Variants in EPHA6 observed in about 807,000 individuals in gnomAD.
EPHA6 encodes the protein EPH receptor A6, also known as ephrin type-A receptor 6.
Under a neutral mutation model 112.0 loss-of-function variants are expected in EPHA6, and 50 were observed. The observed-to-expected ratio is 0.45, with a 90% CI of 0.36 to 0.56. EPHA6 has a LOEUF of 0.56. Among genes scored for constraint, EPHA6 ranks in the 20% least tolerant of loss-of-function variants. The pLI is 0.00. For missense variants in EPHA6, 1,280 were observed against 1,417.4 expected (o/e 0.90, Z 1.56); for synonymous variants, 529 against 490.7 (o/e 1.08, Z -1.03).
chr3:96,919,886 C>G (rs77844129), intron 2 of EPHA6, among the ~76,000 whole-genome samples: 2,761 of 151,860 alleles, frequency 0.018, 74 homozygotes, highest in African/African-American at 0.05. Context: ...TAGAGCATAT[C>G]TCAAAAGATC....
At chr3:97,158,708 C>T (rs1366522460) in intron 3 of EPHA6, among the ~76,000 whole-genome samples, 1 of 151,962 alleles carries the variant, frequency 6.6e-6, no homozygotes, top group Non-Finnish European at 1.5e-5. Flanking sequence ...TGACATAAAC[C>T]AATGGAGTAG....
At chr3:97,082,232 A>G (rs9872381) in intron 3 of EPHA6, among the ~76,000 whole-genome samples, 26,054 of 151,754 alleles carry the variant, frequency 0.17, 2,385 homozygotes, top group Non-Finnish European at 0.2. Flanking sequence ...TTTATTTGCA[A>G]TTTTCAAAAA....
At chr3:97,278,597 T>C (rs911513933) in intron 5 of EPHA6, among the ~76,000 whole-genome samples, 1 of 152,128 alleles carries the variant, frequency 6.6e-6, no homozygotes, top group Non-Finnish European at 1.5e-5. Flanking sequence ...GCAAAGATCA[T>C]CACTATTTCA....
At chr3:97,710,921 T>C (rs1282705141) in intron 14 of EPHA6, among the ~76,000 whole-genome samples, 1 of 152,230 alleles carries the variant, frequency 6.6e-6, no homozygotes, top group African/African-American at 2.4e-5. Flanking sequence ...TGCTTCACTT[T>C]ATGTAATTTA....
At chr3:97,244,351 C>A (rs2078928203) in intron 5 of EPHA6, 64 bp downstream of exon 5, 1 of 1,376,882 alleles carries the variant, frequency 7.3e-7, no homozygotes, top group African/African-American at 1.4e-5. Flanking sequence ...AAATATCCCT[C>A]ATGGGCATGT....
intron 14 of EPHA6, among the ~76,000 whole-genome samples, chr3:97,687,764 C>A (rs1159785549): frequency 6.6e-6 from 1 of 152,200 alleles, no homozygotes; most frequent in Non-Finnish European, 1.5e-5. Context: ...ACCTTTACTT[C>A]TCATGTGTGA....
intron 3 of EPHA6, among the ~76,000 whole-genome samples, chr3:97,141,460 AAT>A (rs1255294670): frequency 2.6e-5 from 4 of 151,942 alleles, no homozygotes; most frequent in Non-Finnish European, 5.9e-5. Flanking sequence ...AAATCAAAAA[AAT>A]AAAAATAATA....
At position 97,448,556 on chromosome 3, in the gene EPHA6, T is replaced by G; in HGVS notation, c.1732-12T>G. The G allele has an allele frequency of 6.2e-7, 1 of 1,612,396 alleles. No homozygotes were observed. ...TGTTTCATTTCCTTTCTCCTTTTTTTCTGTCCCCCAGGAACATGAGCAGCT... is the reference window on the plus strand; with the variant it reads ...TGTTTCATTTCCTTTCTCCTTTTTTGCTGTCCCCCAGGAACATGAGCAGCT... On this transcript the variant is annotated splice_polypyrimidine_tract_variant and intron_variant, in intron 6 of 17. Transcript: ENST00000389672.
At chr3:97,646,361 A>G (rs2099591) in intron 14 of EPHA6, 8 of 1,253,454 alleles carry the variant, frequency 6.4e-6, no homozygotes, top group Admixed American at 3.0e-5. Context: ...AATATATAAG[A>G]CAGTATTGTC....
intron 1 of EPHA6, among the ~76,000 whole-genome samples, chr3:96,840,545 A>C (rs1222171930): frequency 6.6e-6 from 1 of 152,004 alleles, no homozygotes. Context: ...GCAGTTTTAG[A>C]GATCTGAGCA....
At position 97,313,043 on chromosome 3, in the gene EPHA6, G is replaced by A. The variant is rs369471213; in HGVS notation, c.1606+68756G>A. Reference sequence around the variant, plus strand: ...GTCTGTGTGAAACTTTGTACCCTCTGATCAACATCTCTTACTTCCCTGTCC... The same window carrying A: ...GTCTGTGTGAAACTTTGTACCCTCTAATCAACATCTCTTACTTCCCTGTCC... On this transcript the variant is annotated intron_variant, in intron 5 of 17. Coordinates refer to ENST00000389672, the MANE Select transcript of EPHA6 (RefSeq NM_001080448.3). Among the ~76,000 whole-genome samples, 4 of 151,454 alleles carry A rather than the reference G, an allele frequency of 2.6e-5. No individual in the cohort carries two copies. In the South Asian group the frequency reaches 6.2e-4, roughly 24 times the overall value.
chr3:96,871,251 A>G (rs16836719), intron 2 of EPHA6, among the ~76,000 whole-genome samples: 2,441 of 152,068 alleles, frequency 0.016, 68 homozygotes, highest in African/African-American at 0.049. Context: ...TATAGCTGTG[A>G]GGTGTTAATT....
At chr3:97,685,874 G>T (rs1425749873) in intron 14 of EPHA6, among the ~76,000 whole-genome samples, 1 of 152,050 alleles carries the variant, frequency 6.6e-6, no homozygotes, top group Non-Finnish European at 1.5e-5. Context: ...ATAATCAAAT[G>T]CAAATCTAAG....
chr3:97,022,259 A>G (rs1229069848), intron 3 of EPHA6, among the ~76,000 whole-genome samples: 1 of 152,190 alleles, frequency 6.6e-6, no homozygotes, highest in Non-Finnish European at 1.5e-5. Context: ...ACAACATGTC[A>G]TTATTTAAAT....
intron 14 of EPHA6, among the ~76,000 whole-genome samples, chr3:97,714,891 A>G (rs1425616057): frequency 6.6e-6 from 1 of 152,264 alleles, no homozygotes; most frequent in Non-Finnish European, 1.5e-5. Flanking sequence ...TTTGTCTGAC[A>G]TCAGTAAGAC....
intron 5 of EPHA6, among the ~76,000 whole-genome samples, chr3:97,389,114 A>G (rs1440176908): frequency 1.3e-5 from 2 of 152,194 alleles, no homozygotes; most frequent in East Asian, 3.8e-4. Context: ...ATTCATACAA[A>G]TTAGTATATA....
chr3:97,440,488 A>T (rs2090079532), intron 6 of EPHA6, among the ~76,000 whole-genome samples: 1 of 151,644 alleles, frequency 6.6e-6, no homozygotes. Context: ...GGACAAAAAA[A>T]TTTCAACAAA....
At chr3:97,255,067 A>C (rs955477498) in intron 5 of EPHA6, among the ~76,000 whole-genome samples, 5 of 151,976 alleles carry the variant, frequency 3.3e-5, no homozygotes, top group African/African-American at 9.7e-5. Context: ...TTCTTCATGA[A>C]TGTTCACAAA....
chr3:96,887,237 T>C (rs2037682252), intron 2 of EPHA6, among the ~76,000 whole-genome samples: 1 of 152,166 alleles, frequency 6.6e-6, no homozygotes, highest in South Asian at 2.1e-4. Context: ...AGGGAGGTTC[T>C]AAGGCTGAAG....
Sources: gnomAD v4.1 joint callset for allele counts (sites outside exome capture counted in the v4.1 genomes callset) on GRCh38, gnomAD v4.1.1 for gene constraint, MANE v1.5 for transcripts, NCBI Gene and HGNC (gene_info 2026-07-23, HGNC 2026-07-21) for gene names.